DCAF12: variants seen among roughly 807,000 people sequenced by gnomAD.
The protein encoded by DCAF12 is DDB1- and CUL4-associated factor 12.
A neutral mutation model predicts 52.8 loss-of-function variants in DCAF12; 28 were observed. The ratio of observed to expected loss-of-function variants is 0.53; its 90% CI spans 0.39 to 0.73. DCAF12 has a LOEUF of 0.73. DCAF12 is among the 30% of genes least tolerant of loss of function. The probability of loss-of-function intolerance (pLI) is 0.00; values close to 1 mark genes in which losing one functional copy is unlikely to be tolerated. For missense variants in DCAF12, 425 were observed against 552.2 expected, an observed-to-expected ratio of 0.77 and a Z score of 2.31; for synonymous variants, 196 against 215.5, an observed-to-expected ratio of 0.91 and a Z score of 0.79.
chr9:34,116,151 A>T (rs1287864625), intron 2 of DCAF12, among the ~76,000 whole-genome samples: 1 of 151,840 alleles, frequency 6.6e-6, no homozygotes, highest in Non-Finnish European at 1.5e-5. Context: ...TGAGGTCAGG[A>T]GTTCAAGACC....
At position 34,098,534 on chromosome 9, in the gene DCAF12, A is replaced by G; in HGVS notation, c.602-17T>C. ...CACGTGAGCCTGCAGGGCCAGGAGAACACAGATGTCAGATGTACCCACCCC... is the reference window on the plus strand; with the variant it reads ...CACGTGAGCCTGCAGGGCCAGGAGAGCACAGATGTCAGATGTACCCACCCC... On this transcript the variant is annotated splice_polypyrimidine_tract_variant and intron_variant, in intron 4 of 8. Transcript: ENST00000361264. 1 of 1,607,466 alleles carries G rather than the reference A, an allele frequency of 6.2e-7. No individual in the cohort carries two copies. Among genetic ancestry groups the G allele is most frequent in the South Asian group, 1.1e-5 (1 of 90,306 alleles).
intron 4 of DCAF12, among the ~76,000 whole-genome samples, chr9:34,104,919 A>G (rs867564639): frequency 7.3e-6 from 1 of 137,282 alleles, no homozygotes; most frequent in Non-Finnish European, 1.6e-5. Context: ...CTCCGTCTCC[A>G]AAAAAAAAAA....
intron 4 of DCAF12, among the ~76,000 whole-genome samples, chr9:34,105,271 T>C (rs1179163769): frequency 6.7e-6 from 1 of 149,034 alleles, no homozygotes; most frequent in East Asian, 2.0e-4. Flanking sequence ...AAAAAAATCA[T>C]ACTAAGGCTG....
intron 5 of DCAF12, 26 bp from the exon 6 acceptor site, chr9:34,096,807 A>G (rs1005707407): frequency 6.2e-7 from 1 of 1,605,828 alleles, no homozygotes; most frequent in Non-Finnish European, 8.5e-7. Context: ...AAACCAGGTT[A>G]TATTATCATC....
chr9:34,094,089 T>C (rs1368780415), intron 6 of DCAF12, among the ~76,000 whole-genome samples: 1 of 152,116 alleles, frequency 6.6e-6, no homozygotes, highest in Non-Finnish European at 1.5e-5. Context: ...CTGCTTCCTC[T>C]TGCAAAGTCC....
chr9:34,095,929 G>A (rs1334416816), intron 6 of DCAF12: 1 of 152,052 alleles, frequency 6.6e-6, no homozygotes, highest in African/African-American at 2.4e-5. Flanking sequence ...AGCCTCTCAG[G>A]AAGCTTATGC....
At chr9:34,100,285 G>A (rs546286200) in intron 4 of DCAF12, among the ~76,000 whole-genome samples, 49 of 140,932 alleles carry the variant, frequency 3.5e-4, no homozygotes, top group African/African-American at 1.3e-3. Flanking sequence ...TGCAAGCTCC[G>A]CCTCCTGGGT....
At chr9:34,122,632 A>G (rs184090612) in intron 2 of DCAF12, among the ~76,000 whole-genome samples, 304 of 152,124 alleles carry the variant, frequency 2.0e-3, no homozygotes, top group African/African-American at 6.0e-3. Flanking sequence ...ACCCACCATC[A>G]TGCCCAGCTA....
At chr9:34,089,325 G>C in intron 8 of DCAF12, 87 bp downstream of exon 8, 1 of 1,385,260 alleles carries the variant, frequency 7.2e-7, no homozygotes, top group South Asian at 1.4e-5. Context: ...AGTATGAGTA[G>C]ATGGTGTGTC....
At position 34,106,517 on chromosome 9, in the gene DCAF12, G is replaced by T; in HGVS notation, c.541-23C>A. The T allele has an allele frequency of 1.3e-6, 2 of 1,587,416 alleles. 1 individual carries two copies. The highest frequency in any genetic ancestry group is 1.7e-6 in the Non-Finnish European group (2 of 1,158,452). ...ATCCTTGGAGAGCAGGGAGTAACAGGTACAGGGAGGAAAATAAGAAATTAG... is the reference window on the plus strand; with the variant it reads ...ATCCTTGGAGAGCAGGGAGTAACAGTTACAGGGAGGAAAATAAGAAATTAG... On this transcript the variant is annotated intron_variant, in intron 3 of 8. Transcript: ENST00000361264.
At chr9:34,095,371 CCTTTT>C in intron 6 of DCAF12, among the ~76,000 whole-genome samples, 1 of 115,208 alleles carries the variant, frequency 8.7e-6, no homozygotes, top group Non-Finnish European at 1.8e-5. Context: ...CCGCGCCAGG[CCTTTT>C]TTTTTTTTTT....
At chr9:34,119,055 T>G (rs956661972) in intron 2 of DCAF12, among the ~76,000 whole-genome samples, 2 of 152,162 alleles carry the variant, frequency 1.3e-5, no homozygotes, top group African/African-American at 4.8e-5. Context: ...ACCAGGACCA[T>G]ATGGTTGTGT....
At chr9:34,093,542 TATAAA>T (rs1424625662) in intron 6 of DCAF12, 94 bp from the exon 7 acceptor site, 11 of 1,359,240 alleles carry the variant, frequency 8.1e-6, no homozygotes, top group Non-Finnish European at 1.0e-5. Context: ...GCTTCCCTCA[TATAAA>T]AGCCACATAA....
chr9:34,106,388 C>A, intron 4 of DCAF12, 46 bp downstream of exon 4: 1 of 1,510,768 alleles, frequency 6.6e-7, no homozygotes, highest in Non-Finnish European at 9.1e-7. Context: ...TCTCTAGCCC[C>A]CAATCCCTGC....
chr9:34,103,093 TCCAAAAA>T (rs1828854932), intron 4 of DCAF12, among the ~76,000 whole-genome samples: 1 of 39,178 alleles, frequency 2.6e-5, no homozygotes, highest in East Asian at 5.6e-4. Flanking sequence ...AGACCTTAAC[TCCAAAAA>T]AAAAAAAAAA....
At chr9:34,114,235 T>TAC (rs1829050793) in intron 2 of DCAF12, among the ~76,000 whole-genome samples, 2 of 152,120 alleles carry the variant, frequency 1.3e-5, no homozygotes, top group African/African-American at 4.8e-5. Context: ...AAGTATAGAA[T>TAC]ACTGAATGAC....
rs759572138 is a variant in DCAF12, at chr9:34,107,466, C to T, written c.433G>A (p.Ala145Thr). Residue 145 changes from alanine (A) to threonine (T), a missense_variant, in exon 3 of 9, where the codon GCC (alanine) becomes ACC (threonine). Around this residue, in one of 3 missense-constraint regions of DCAF12, gnomAD observed 328 missense variants for 444.4 expected, o/e 0.74. Transcript: ENST00000361264. ...GVTQQGCGIHAIELNPSRTLL... is the reference protein window; with the variant it reads ...GVTQQGCGIHTIELNPSRTLL... Reference sequence around the variant, plus strand: ...GTTCTAGAAGGATTCAGCTCGATGGCATGGATACCACAGCCCTGCTGGGTC... The same window carrying T: ...GTTCTAGAAGGATTCAGCTCGATGGTATGGATACCACAGCCCTGCTGGGTC... 5.6e-6 allele frequency: 9 copies of T among 1,614,074 alleles called. No homozygotes were observed. The highest frequency in any genetic ancestry group is 4.2e-6 in the Non-Finnish European group (5 of 1,180,052).
Position 34,088,160 on chromosome 9 carries a change from AAAC to A in DCAF12, c.*187_*189del. On this transcript the variant is annotated 3_prime_UTR_variant, in exon 9 of 9. Transcript: ENST00000361264. ...GTAAAATTTTGATTACCAAAGGGGA[AAAC>A]AAAAAGCAAAACAACTTTCAGATTT... 2.1e-6 allele frequency: 1 copy of A among 487,032 alleles called. No homozygotes were observed. The highest frequency in any genetic ancestry group is 3.4e-6 in the Non-Finnish European group (1 of 296,852). The allele number at this position is 487,032 out of a possible 1,614,324, so 30.2% of individuals were successfully genotyped here.
At chr9:34,095,974 A>T (rs1429807170) in intron 6 of DCAF12, 1 of 152,182 alleles carries the variant, frequency 6.6e-6, no homozygotes, top group Non-Finnish European at 1.5e-5. Flanking sequence ...ACTCTTTAAA[A>T]GACTTTCCTG....
Sources: allele counts gnomAD v4.1 joint callset (sites outside exome capture counted in the v4.1 genomes callset), GRCh38; gene constraint gnomAD v4.1.1; regional missense constraint gnomAD v4.1.1; transcripts MANE v1.5; gene names NCBI Gene and HGNC (gene_info 2026-07-23, HGNC 2026-07-21).